DHRS7C: variants seen among roughly 807,000 people sequenced by gnomAD.
The protein encoded by DHRS7C is dehydrogenase/reductase SDR family member 7C.
In DHRS7C, 28 loss-of-function variants were observed where a neutral mutation model predicts 29.6. That is an observed-to-expected ratio of 0.95 (90% CI 0.70 to 1.30). The LOEUF is 1.30. Among genes scored for constraint, DHRS7C ranks in the 50% most tolerant of loss-of-function variants. The pLI, the probability that DHRS7C is intolerant of heterozygous loss-of-function variation, is 0.00. For missense variants in DHRS7C, 403 were observed against 393.3 expected (o/e 1.02, Z -0.21); for synonymous variants, 158 against 160.2 (o/e 0.99, Z 0.10).
intron 2 of DHRS7C, among the ~76,000 whole-genome samples, chr17:9,781,172 CTG>C (rs1403348876): frequency 2.0e-5 from 3 of 152,112 alleles, no homozygotes; most frequent in African/African-American, 7.2e-5. Flanking sequence ...AAAAAAATGA[CTG>C]TGTTTGTAAT....
chr17:9,780,061 G>T, intron 2 of DHRS7C, 26 bp from the exon 3 acceptor site: 2 of 1,606,228 alleles, frequency 1.2e-6, no homozygotes, highest in Non-Finnish European at 1.7e-6. Flanking sequence ...GAGAGTCAGG[G>T]TATGTGTGAG....
Position 9,791,295 on chromosome 17 carries a change from G to A in DHRS7C, c.-11C>T. On this transcript the variant is annotated 5_prime_UTR_variant, in exon 1 of 6. Coordinates refer to ENST00000571134, the MANE Select transcript of DHRS7C (RefSeq NM_001105571.3). ...GGCCATGACTCCCATCTTGTTCTGG[G>A]GGACAACGGAGTAAAAGGGGATTGG... 1 of 1,613,190 alleles carries A rather than the reference G, an allele frequency of 6.2e-7. No individual in the cohort carries two copies. Among genetic ancestry groups the A allele is most frequent in the Non-Finnish European group, 8.5e-7 (1 of 1,179,632 alleles).
chr17:9,779,176 T>C (rs931899598), intron 3 of DHRS7C, among the ~76,000 whole-genome samples: 4 of 152,182 alleles, frequency 2.6e-5, no homozygotes, highest in African/African-American at 7.2e-5. Context: ...TACTCTATGG[T>C]CATTTCCAGC....
chr17:9,787,266 G>A (rs906853458), intron 1 of DHRS7C, among the ~76,000 whole-genome samples: 3 of 152,190 alleles, frequency 2.0e-5, no homozygotes, highest in African/African-American at 7.2e-5. Context: ...TTTGCAGCAG[G>A]GCACTGGAGC....
At chr17:9,778,122 T>A (rs535918265) in intron 3 of DHRS7C, among the ~76,000 whole-genome samples, 1 of 152,268 alleles carries the variant, frequency 6.6e-6, no homozygotes, top group Non-Finnish European at 1.5e-5. Flanking sequence ...CCGGGTGCAG[T>A]GGCTCACGCC....
intron 1 of DHRS7C, among the ~76,000 whole-genome samples, chr17:9,784,299 C>T (rs577557066): frequency 3.3e-5 from 5 of 152,132 alleles, no homozygotes; most frequent in East Asian, 3.9e-4. Context: ...GGTGAAACCC[C>T]GTCTCTACTA....
intron 4 of DHRS7C, 40 bp downstream of exon 4, chr17:9,777,153 A>G: frequency 6.4e-7 from 1 of 1,558,228 alleles, no homozygotes; most frequent in Non-Finnish European, 8.8e-7. Context: ...ACCATAAGAC[A>G]TACAACAGAA....
Position 9,775,230 on chromosome 17 carries a change from A to T in DHRS7C, c.571+1963T>A, listed in dbSNP as rs943656102. 2.0e-5 allele frequency among the ~76,000 whole-genome samples: 3 copies of T among 152,194 alleles called. No homozygotes were observed. The highest frequency in any genetic ancestry group is 2.9e-5 in the Non-Finnish European group (2 of 68,040). On this transcript the variant is annotated intron_variant, in intron 4 of 5. Transcript: ENST00000571134. This position sits in a 1 kb window ranked among gnomAD's most constrained non-coding sequence, Gnocchi z 4.2. ...TAACAGACAGAAAGTTTAAAAATAC[A>T]AGGAGCAGTGGGGAGATTCCTAAGT...
Position 9,771,531 on chromosome 17 carries a change from G to A in DHRS7C, c.893C>T (p.Ala298Val). The change falls in exon 6 of 6, where the codon GCC becomes GTC. Residue 298 changes from alanine to valine, a missense_variant. Ala to Val is a moderately conservative substitution (Grantham distance 64, BLOSUM62 0). Coordinates refer to ENST00000571134, the MANE Select transcript of DHRS7C (RefSeq NM_001105571.3). ...FFPEFFFAVV[A>V]CGVKEKLNVP... is the part of the protein sequence containing the mutation. ...ATTGAGCTTCTCCTTCACCCCACAGGCCACCACGGCGAAAAAGAACTCCGG... is the reference window on the plus strand; with the variant it reads ...ATTGAGCTTCTCCTTCACCCCACAGACCACCACGGCGAAAAAGAACTCCGG... 3 of 1,584,780 alleles carry A rather than the reference G, an allele frequency of 1.9e-6. No individual in the cohort carries two copies. Among genetic ancestry groups the A allele is most frequent in the South Asian group, 1.2e-5 (1 of 86,928 alleles).
rs1002348300 is a variant in DHRS7C, at chr17:9,774,003, G to A, written c.572-1081C>T. Among the ~76,000 whole-genome samples the A allele has an allele frequency of 2.0e-5, 3 of 152,094 alleles. No homozygotes were observed. Among genetic ancestry groups the A allele is most frequent in the African/African-American group, 2.4e-5 (1 of 41,410 alleles). On this transcript the variant is annotated intron_variant, in intron 4 of 5. Transcript: ENST00000571134. This position sits in a 1 kb window ranked among gnomAD's most constrained non-coding sequence, Gnocchi z 5.0. ...CTCCCAAAGTGCTGGGATTACAGGCGTGAGCCACCACGCCCAGCAAAACCA... is the reference window on the plus strand; with the variant it reads ...CTCCCAAAGTGCTGGGATTACAGGCATGAGCCACCACGCCCAGCAAAACCA...
At chr17:9,778,813 C>A (rs936055794) in intron 3 of DHRS7C, among the ~76,000 whole-genome samples, 1 of 152,170 alleles carries the variant, frequency 6.6e-6, no homozygotes, top group Non-Finnish European at 1.5e-5. Context: ...GATCTCAGAC[C>A]TTGCCAGGAC....
At chr17:9,773,663 T>C (rs2066344621) in intron 4 of DHRS7C, among the ~76,000 whole-genome samples, 1 of 151,612 alleles carries the variant, frequency 6.6e-6, no homozygotes, top group Non-Finnish European at 1.5e-5. Flanking sequence ...ACCAGAACCC[T>C]TTCCTGGTTC....
intron 1 of DHRS7C, chr17:9,785,153 G>A (rs1408605996): frequency 1.3e-5 from 2 of 152,242 alleles, no homozygotes; most frequent in Admixed American, 6.5e-5. Context: ...GTCATATGAA[G>A]TTCAGTTCCC....
At chr17:9,772,706 C>G in intron 5 of DHRS7C, 61 bp downstream of exon 5, 2 of 1,576,986 alleles carry the variant, frequency 1.3e-6, no homozygotes, top group Non-Finnish European at 1.7e-6. Context: ...ATTCATCCCC[C>G]CAGTGACACC....
intron 1 of DHRS7C, among the ~76,000 whole-genome samples, chr17:9,786,559 C>T (rs937232886): frequency 4.0e-5 from 6 of 151,870 alleles, no homozygotes; most frequent in Admixed American, 6.6e-5. Context: ...TCCCCAAGCA[C>T]GTGGGGTTCT....
chr17:9,787,507 G>C (rs1208546199), intron 1 of DHRS7C, among the ~76,000 whole-genome samples: 1 of 152,170 alleles, frequency 6.6e-6, no homozygotes, highest in East Asian at 1.9e-4. Context: ...GCTGAAACCA[G>C]GCCTTTGGTA....
At chr17:9,784,985 T>C (rs1567703338) in intron 1 of DHRS7C, among the ~76,000 whole-genome samples, 1 of 152,250 alleles carries the variant, frequency 6.6e-6, no homozygotes, top group Non-Finnish European at 1.5e-5. Flanking sequence ...TGTGTGTTTA[T>C]GTATGTAATA....
At chr17:9,780,608 T>C (rs1390277797) in intron 2 of DHRS7C, among the ~76,000 whole-genome samples, 1 of 152,166 alleles carries the variant, frequency 6.6e-6, no homozygotes, top group African/African-American at 2.4e-5. Context: ...GATGGGAAAA[T>C]TGTTGACACC....
Position 9,791,402 on chromosome 17 carries a change from C to A in DHRS7C, c.-118G>T. 9.0e-7 allele frequency: 1 copy of A among 1,112,858 alleles called. No individual in the cohort carries two copies. Among genetic ancestry groups the A allele is most frequent in the Non-Finnish European group, 1.3e-6 (1 of 798,064 alleles). The allele number at this position is 1,112,858 out of a possible 1,614,324, so 68.9% of individuals were successfully genotyped here. A position where few individuals can be genotyped will look rare whatever the true frequency, so the allele number is the denominator to read the frequency against. ...GGGAGCTCAGCTCTGTGCAAGCCTC[C>A]AAGCTGAACACCCAGTGGGCGTGCT... On this transcript the variant is annotated 5_prime_UTR_variant, in exon 1 of 6. Transcript: ENST00000571134.
Sources: gnomAD v4.1 joint callset for allele counts (sites outside exome capture counted in the v4.1 genomes callset) on GRCh38, gnomAD v4.1.1 for gene constraint, Gnocchi (gnomAD v3.1) non-coding constraint, MANE v1.5 for transcripts, NCBI Gene and HGNC (gene_info 2026-07-23, HGNC 2026-07-21) for gene names.